Variants in C12orf42 observed in about 807,000 individuals in gnomAD.
The protein encoded by C12orf42 is uncharacterized protein C12orf42.
Under a neutral mutation model 21.6 loss-of-function variants are expected in C12orf42, and 25 were observed. That is an observed-to-expected ratio of 1.16 (90% CI 0.84 to 1.62). C12orf42 has a LOEUF of 1.62. Among genes scored for constraint, C12orf42 ranks in the 40% most tolerant of loss-of-function variants. C12orf42 has a pLI of 0.00. For synonymous variants in C12orf42, 174 were observed against 175.0 expected (o/e 0.99, Z 0.05); for missense variants, 483 against 459.3 (o/e 1.05, Z -0.47).
At chr12:103,329,987 T>C (rs1226381506) in intron 4 of C12orf42, among the ~76,000 whole-genome samples, 1 of 152,140 alleles carries the variant, frequency 6.6e-6, no homozygotes, top group East Asian at 1.9e-4. Context: ...ACATTTCCCA[T>C]GCCAATACAT....
At chr12:103,318,018 C>A (rs2039689790) in intron 4 of C12orf42, among the ~76,000 whole-genome samples, 1 of 152,132 alleles carries the variant, frequency 6.6e-6, no homozygotes, top group East Asian at 1.9e-4. Flanking sequence ...ATATTACCAA[C>A]ATGCTGGGCA....
At chr12:103,418,904 C>G (rs566060733) in intron 2 of C12orf42, among the ~76,000 whole-genome samples, 1 of 151,250 alleles carries the variant, frequency 6.6e-6, no homozygotes, top group Non-Finnish European at 1.5e-5. Context: ...AAGGTCTGCA[C>G]TTCTTTCCAC....
chr12:103,283,730 A>G (rs982355117), intron 4 of C12orf42, among the ~76,000 whole-genome samples: 1 of 152,148 alleles, frequency 6.6e-6, no homozygotes, highest in Non-Finnish European at 1.5e-5. Context: ...ACTGGCACAA[A>G]GCTCCTTAAG....
At chr12:103,361,705 G>A (rs2044125875) in intron 4 of C12orf42, among the ~76,000 whole-genome samples, 1 of 152,004 alleles carries the variant, frequency 6.6e-6, no homozygotes. Flanking sequence ...TGTTGCATGG[G>A]AGCTGGGTGA....
the C12orf42 span, among the ~76,000 whole-genome samples, chr12:103,221,339 G>A: frequency 1.3e-5 from 2 of 152,138 alleles, no homozygotes; most frequent in Admixed American, 1.3e-4. Context: ...CAAACTCTAT[G>A]AGATGAGCAC....
At chr12:103,169,306 A>G in the C12orf42 span, among the ~76,000 whole-genome samples, 1 of 152,034 alleles carries the variant, frequency 6.6e-6, no homozygotes, top group Non-Finnish European at 1.5e-5. Context: ...TGCCTCCTCA[A>G]GCTCATCTAT....
At chr12:103,127,010 G>A in the C12orf42 span, among the ~76,000 whole-genome samples, 8 of 152,250 alleles carry the variant, frequency 5.3e-5, no homozygotes, top group South Asian at 1.7e-3. Flanking sequence ...TGTGTAACTT[G>A]ATACTATTTG....
chr12:103,153,935 T>A, the C12orf42 span, among the ~76,000 whole-genome samples: 1 of 138,698 alleles, frequency 7.2e-6, no homozygotes, highest in African/African-American at 2.7e-5. Context: ...AATGAATAAG[T>A]AAATTGTGGT....
chr12:103,430,313 G>A (rs1285867673), intron 2 of C12orf42, among the ~76,000 whole-genome samples: 1 of 152,192 alleles, frequency 6.6e-6, no homozygotes, highest in Non-Finnish European at 1.5e-5. Flanking sequence ...GATATGAACA[G>A]ACACTTATCA....
At chr12:103,524,560 CATTTATCAGA>C in the C12orf42 span, among the ~76,000 whole-genome samples, 1 of 152,216 alleles carries the variant, frequency 6.6e-6, no homozygotes, top group East Asian at 1.9e-4. Flanking sequence ...GCAACCTTGT[CATTTATCAGA>C]ATGATGATCA....
At chr12:103,287,056 A>T (rs1317143935) in intron 4 of C12orf42, among the ~76,000 whole-genome samples, 4 of 152,320 alleles carry the variant, frequency 2.6e-5, no homozygotes, top group Non-Finnish European at 5.9e-5. Context: ...AGGAAACAAC[A>T]GGTGCTGGAG....
In C12orf42 at chr12:103,278,050, A is replaced by G. The variant is rs547708887; in HGVS notation, n.338-840T>C. On this transcript the variant is annotated intron_variant and non_coding_transcript_variant, in intron 4 of 6. Transcript: ENST00000546526. ...CTTTCTGAAAATTGCTCAATATATTAAAAAAAGGAATTGCACCCAGAATTT... is the reference window on the plus strand; with the variant it reads ...CTTTCTGAAAATTGCTCAATATATTGAAAAAAGGAATTGCACCCAGAATTT... Among the ~76,000 whole-genome samples the G allele has an allele frequency of 7.6e-4, 116 of 152,304 alleles. 1 individual carries two copies. The highest frequency in any genetic ancestry group is 2.3e-3 in the African/African-American group (97 of 41,570).
the C12orf42 span, among the ~76,000 whole-genome samples, chr12:103,147,503 C>CTTTTTTTTT: frequency 3.5e-3 from 345 of 99,818 alleles, no homozygotes; most frequent in African/African-American, 5.5e-3. Flanking sequence ...CTTTTTTTTT[C>CTTTTTTTTT]TTTTTTTTTT....
the C12orf42 span, among the ~76,000 whole-genome samples, chr12:103,520,564 T>C: frequency 2.6e-5 from 4 of 151,690 alleles, no homozygotes; most frequent in Non-Finnish European, 5.9e-5. Flanking sequence ...CAAATCTTTT[T>C]AAAATTAGTT....
chr12:103,114,919 G>A, the C12orf42 span, among the ~76,000 whole-genome samples: 1 of 152,190 alleles, frequency 6.6e-6, no homozygotes, highest in Non-Finnish European at 1.5e-5. Context: ...AAACTTGCAA[G>A]CCATGCAAAA....
chr12:103,175,532 G>C, the C12orf42 span, among the ~76,000 whole-genome samples: 1 of 152,226 alleles, frequency 6.6e-6, no homozygotes, highest in African/African-American at 2.4e-5. Flanking sequence ...AGCCCAAGGA[G>C]CTTATGTGGC....
chr12:103,160,708 C>G, the C12orf42 span, among the ~76,000 whole-genome samples: 5 of 152,212 alleles, frequency 3.3e-5, no homozygotes, highest in East Asian at 9.6e-4. Context: ...AGTTAGACTC[C>G]TCCTAAGCTA....
the C12orf42 span, among the ~76,000 whole-genome samples, chr12:103,134,773 A>G: frequency 6.6e-6 from 1 of 152,198 alleles, no homozygotes; most frequent in Non-Finnish European, 1.5e-5. Context: ...GAGAACCTCA[A>G]ATAGATAAAT....
the C12orf42 span, among the ~76,000 whole-genome samples, chr12:103,527,185 T>A: frequency 5.3e-5 from 8 of 152,034 alleles, no homozygotes; most frequent in Non-Finnish European, 1.2e-4. Context: ...ACCAAAAAAA[T>A]TTCAGAAAGA....
Sources: allele counts gnomAD v4.1 joint callset (sites outside exome capture counted in the v4.1 genomes callset), GRCh38; gene constraint gnomAD v4.1.1; transcripts MANE v1.5; gene names NCBI Gene and HGNC (gene_info 2026-07-23, HGNC 2026-07-21).